The following RARB variants were observed in gnomAD, a reference collection of about 807,000 sequenced individuals.
The protein encoded by RARB is HBV-activated protein.
Under a neutral mutation model 51.9 loss-of-function variants are expected in RARB, and 17 were observed. That is an observed-to-expected ratio of 0.33 (90% CI 0.22 to 0.49). The LOEUF (loss-of-function observed/expected upper bound fraction) is 0.49, where lower values mean the gene tolerates loss of function less well. RARB is among the 20% of genes least tolerant of loss of function. The pLI is 0.99. For missense variants in RARB, 369 were observed against 550.8 expected, an observed-to-expected ratio of 0.67 and a Z score of 3.30; for synonymous variants, 215 against 195.4, an observed-to-expected ratio of 1.10 and a Z score of -0.84.
intron 3 of RARB, among the ~76,000 whole-genome samples, chr3:25,549,416 C>T (rs763641059): frequency 1.1e-4 from 16 of 152,214 alleles, no homozygotes; most frequent in Non-Finnish European, 1.8e-4. Flanking sequence ...GTGAACATTA[C>T]GTTCTGATTC....
At chr3:24,981,755 C>A (rs1204055005) in intron 2 of RARB, among the ~76,000 whole-genome samples, 1 of 152,172 alleles carries the variant, frequency 6.6e-6, no homozygotes, top group Non-Finnish European at 1.5e-5. Flanking sequence ...TAAGGCGATT[C>A]CCTGTTCTGC....
rs1204283797 is a variant in RARB, at chr3:25,597,066, C to T, written c.*450C>T. 6.5e-6 allele frequency: 1 copy of T among 154,256 alleles called. No homozygotes were observed. Among genetic ancestry groups the T allele is most frequent in the Non-Finnish European group, 1.4e-5 (1 of 69,122 alleles). 9.6% of individuals were successfully genotyped at this position (154,256 alleles called of 1,614,324 possible). A position where few individuals can be genotyped will look rare whatever the true frequency, so the allele number is the denominator to read the frequency against. On this transcript the variant is annotated 3_prime_UTR_variant, in exon 8 of 8. Transcript: ENST00000330688. Reference sequence around the variant, plus strand: ...TGAAATAGACTACTGTACACGTCTACCTAGGTTCAAAAAGATAACTGTCTT... The same window carrying T: ...TGAAATAGACTACTGTACACGTCTATCTAGGTTCAAAAAGATAACTGTCTT...
chr3:25,416,551 G>A (rs983267590), intron 5 of RARB, among the ~76,000 whole-genome samples: 1 of 152,180 alleles, frequency 6.6e-6, no homozygotes, highest in East Asian at 1.9e-4. Context: ...CAGTCAGCAA[G>A]TTTTTTTCTC....
At chr3:24,907,658 G>A (rs1216092690) in intron 2 of RARB, among the ~76,000 whole-genome samples, 1 of 151,964 alleles carries the variant, frequency 6.6e-6, no homozygotes, top group Non-Finnish European at 1.5e-5. Flanking sequence ...TAAGAAATTT[G>A]CTTCTCTTCT....
chr3:24,915,909 T>G (rs1436523985), intron 2 of RARB, among the ~76,000 whole-genome samples: 1 of 152,082 alleles, frequency 6.6e-6, no homozygotes, highest in Non-Finnish European at 1.5e-5. Context: ...GAAACCTTAG[T>G]GCATCAAGGG....
At chr3:25,539,637 C>G (rs1380023919) in intron 3 of RARB, among the ~76,000 whole-genome samples, 1 of 131,494 alleles carries the variant, frequency 7.6e-6, no homozygotes, top group Non-Finnish European at 1.5e-5. Context: ...TCTCTACATT[C>G]TCTTTAGTCA....
chr3:25,286,852 G>A (rs1703669554), intron 5 of RARB, among the ~76,000 whole-genome samples: 1 of 152,176 alleles, frequency 6.6e-6, no homozygotes, highest in South Asian at 2.1e-4. Context: ...CCACAGCAGA[G>A]TACTATCACT....
rs182820994 is a variant in RARB at position 24,968,802 on chromosome 3, C to T, written c.-379-91323C>T. On this transcript the variant is annotated intron_variant, in intron 2 of 11. Transcript: ENST00000383772. ...CCGAAGCAAGTCATGTGACTAAGCC[C>T]AGAGTCAGTGTGAGTGGGTAGACTA... Among the ~76,000 whole-genome samples the T allele has an allele frequency of 1.8e-3, 269 of 152,200 alleles. 2 individuals are homozygous for T. Among genetic ancestry groups the T allele is most frequent in the Non-Finnish European group, 1.5e-3 (99 of 67,998 alleles).
At chr3:25,080,681 C>A (rs1698975615) in intron 3 of RARB, among the ~76,000 whole-genome samples, 1 of 152,150 alleles carries the variant, frequency 6.6e-6, no homozygotes, top group Admixed American at 6.5e-5. Context: ...TTGAGCATTT[C>A]ATGTGCTTAT....
At chr3:24,970,573 A>AC (rs1696374269) in intron 2 of RARB, among the ~76,000 whole-genome samples, 1 of 59,072 alleles carries the variant, frequency 1.7e-5, no homozygotes, top group Non-Finnish European at 2.8e-5. Context: ...CAAGTCATGT[A>AC]AACACACACA....
chr3:25,015,471 T>A (rs1697488419), intron 2 of RARB, among the ~76,000 whole-genome samples: 1 of 152,166 alleles, frequency 6.6e-6, no homozygotes, highest in Non-Finnish European at 1.5e-5. Flanking sequence ...GAAGAGCTGG[T>A]TGACACCTTC....
rs116616496 is a variant in RARB at position 25,212,284 on chromosome 3, A to G, written c.178+37709A>G. On this transcript the variant is annotated intron_variant, in intron 5 of 11. Transcript: ENST00000383772. ...GACTATGCTAAATTGAGCATCAATA[A>G]TTTTAACAACTTTCTATTTACGTGA... 6.5e-3 allele frequency among the ~76,000 whole-genome samples: 987 copies of G among 152,338 alleles called. 8 individuals carry two copies. Among genetic ancestry groups the G allele is most frequent in the African/African-American group, 0.022 (895 of 41,580 alleles).
rs149252959 is a variant in RARB, at chr3:24,919,683, C to G, written c.-380+60931C>G. Among the ~76,000 whole-genome samples the G allele has an allele frequency of 2.2e-3, 337 of 152,326 alleles. 1 individual carries two copies. The highest frequency in any genetic ancestry group is 7.9e-3 in the African/African-American group (327 of 41,578). On this transcript the variant is annotated intron_variant, in intron 2 of 11. Coordinates refer to the RARB transcript ENST00000383772. ...GATTTGTCTAAGGTTTCTTTTTGAA[C>G]AGTTGTTTAGGTATCTTTTCTAAAA...
chr3:25,570,069 T>G, intron 4 of RARB, 151 bp downstream of exon 4: 2 of 1,140,972 alleles, frequency 1.8e-6, no homozygotes, highest in Non-Finnish European at 2.4e-6. Flanking sequence ...GCTGGGGCTA[T>G]GTAGTAGCCA....
At chr3:24,966,158 G>A (rs1275893869) in intron 2 of RARB, among the ~76,000 whole-genome samples, 2 of 151,382 alleles carry the variant, frequency 1.3e-5, no homozygotes, top group Non-Finnish European at 2.9e-5. Context: ...CTGACCTTTG[G>A]CATTTTTACT....
intron 3 of RARB, among the ~76,000 whole-genome samples, chr3:25,072,331 G>A (rs1487689663): frequency 6.6e-6 from 1 of 152,166 alleles, no homozygotes; most frequent in Non-Finnish European, 1.5e-5. Flanking sequence ...GCCTTATGGG[G>A]GTGATCTGTG....
At chr3:24,919,648 T>A (rs1327683906) in intron 2 of RARB, among the ~76,000 whole-genome samples, 1 of 152,260 alleles carries the variant, frequency 6.6e-6, no homozygotes, top group African/African-American at 2.4e-5. Flanking sequence ...TCAATTAAAC[T>A]GTTTAGTAGG....
At chr3:24,954,637 G>A (rs1695969619) in intron 2 of RARB, among the ~76,000 whole-genome samples, 2 of 152,170 alleles carry the variant, frequency 1.3e-5, no homozygotes, top group Non-Finnish European at 2.9e-5. Context: ...CCCCATTACA[G>A]AAAGGTGTGA....
chr3:25,165,095 T>A (rs1486842472), intron 4 of RARB, among the ~76,000 whole-genome samples: 3 of 152,040 alleles, frequency 2.0e-5, no homozygotes, highest in African/African-American at 7.2e-5. Flanking sequence ...GAGTTTTTTT[T>A]AAGAAAGAAG....
Sources: gnomAD v4.1 joint callset for allele counts (sites outside exome capture counted in the v4.1 genomes callset) on GRCh38, gnomAD v4.1.1 for gene constraint, MANE v1.5 for transcripts, NCBI Gene and HGNC (gene_info 2026-07-23, HGNC 2026-07-21) for gene names.